LIMCH1: variants seen among roughly 807,000 people sequenced by gnomAD.
LIMCH1 encodes the protein LIM and calponin homology domains 1.
A neutral mutation model predicts 176.5 loss-of-function variants in LIMCH1; 113 were observed. The observed-to-expected ratio is 0.64, with a 90% confidence interval of 0.55 to 0.75. LIMCH1 has a LOEUF of 0.75. LIMCH1 is among the 30% of genes least tolerant of loss of function. The pLI is 0.00. For missense variants in LIMCH1, 1,674 were observed against 1,814.9 expected (o/e 0.92, Z 1.41); for synonymous variants, 619 against 645.9 (o/e 0.96, Z 0.63).
chr4:41,671,245 A>T (rs1015763275), intron 21 of LIMCH1, among the ~76,000 whole-genome samples: 1 of 152,140 alleles, frequency 6.6e-6, no homozygotes, highest in African/African-American at 2.4e-5. Context: ...CAGTACTAAT[A>T]GGAACAGTTT....
At chr4:41,503,825 A>C (rs1044488919) in intron 2 of LIMCH1, among the ~76,000 whole-genome samples, 2 of 152,060 alleles carry the variant, frequency 1.3e-5, no homozygotes, top group African/African-American at 4.8e-5. Flanking sequence ...TCAAGTGATA[A>C]CTGCCCTTGC....
rs186783937 is a variant in LIMCH1, at chr4:41,479,263, G to C, written c.97-15273G>C. Among the ~76,000 whole-genome samples, 227 of 152,148 alleles carry C rather than the reference G, an allele frequency of 1.5e-3. 2 individuals are homozygous for C. Among genetic ancestry groups the C allele is most frequent in the Middle Eastern group, 3.4e-3 (1 of 294 alleles). Reference sequence around the variant, plus strand: ...CCACCATGCCATTATCACTCTTTTTGTTTGTTCAAAATAGTATTTCACTTG... The same window carrying C: ...CCACCATGCCATTATCACTCTTTTTCTTTGTTCAAAATAGTATTTCACTTG... On this transcript the variant is annotated intron_variant, in intron 1 of 26. Coordinates refer to the LIMCH1 transcript ENST00000313860.
chr4:41,591,735 C>T (rs1195505950), intron 1 of LIMCH1, among the ~76,000 whole-genome samples: 2 of 152,140 alleles, frequency 1.3e-5, no homozygotes, highest in South Asian at 2.1e-4. Context: ...TGTCTGGATT[C>T]ATTTGAAACC....
intron 1 of LIMCH1, among the ~76,000 whole-genome samples, chr4:41,474,698 A>G (rs974752877): frequency 7.2e-5 from 11 of 152,232 alleles, no homozygotes; most frequent in Non-Finnish European, 1.0e-4. Context: ...GGATCTGGAG[A>G]ACGGGAACCC....
At chr4:41,634,651 G>T (rs1219468845) in intron 13 of LIMCH1, among the ~76,000 whole-genome samples, 1 of 152,164 alleles carries the variant, frequency 6.6e-6, no homozygotes, top group Non-Finnish European at 1.5e-5. Context: ...CTGTTTTCAG[G>T]GAGCAGAAGT....
chr4:41,432,947 A>G (rs1221546142), intron 1 of LIMCH1, among the ~76,000 whole-genome samples: 3 of 152,244 alleles, frequency 2.0e-5, no homozygotes, highest in African/African-American at 7.2e-5. Context: ...CAAAGGGTTA[A>G]TACCCTGGAA....
intron 1 of LIMCH1, among the ~76,000 whole-genome samples, chr4:41,568,000 A>G (rs888168495): frequency 6.6e-6 from 1 of 152,176 alleles, no homozygotes; most frequent in African/African-American, 2.4e-5. Context: ...TAAAAATACA[A>G]AAATTAGCCA....
intron 2 of LIMCH1, among the ~76,000 whole-genome samples, chr4:41,505,392 T>A (rs932007800): frequency 2.0e-5 from 3 of 152,192 alleles, no homozygotes; most frequent in African/African-American, 7.2e-5. Flanking sequence ...GGCATTTGGA[T>A]TATACTTTCT....
chr4:41,574,804 G>A (rs1376386935), intron 1 of LIMCH1, among the ~76,000 whole-genome samples: 2 of 152,182 alleles, frequency 1.3e-5, no homozygotes, highest in Admixed American at 1.3e-4. Flanking sequence ...TTGGGCACTT[G>A]GGGGTAGGTT....
intron 3 of LIMCH1, among the ~76,000 whole-genome samples, chr4:41,530,681 C>T (rs936578842): frequency 1.3e-5 from 2 of 150,006 alleles, no homozygotes; most frequent in Non-Finnish European, 1.5e-5. Context: ...GTGGTGTGTG[C>T]CCGTAATCCC....
intron 14 of LIMCH1, among the ~76,000 whole-genome samples, chr4:41,643,946 A>G (rs905764159): frequency 7.2e-5 from 11 of 152,204 alleles, no homozygotes; most frequent in African/African-American, 2.7e-4. Context: ...AATAAGAAAA[A>G]GTGAGTGTCT....
In LIMCH1 at chr4:41,646,531, T is replaced by A. The variant is rs1448740444; in HGVS notation, c.2458T>A (p.Ser820Thr). 3 of 1,614,116 alleles carry A rather than the reference T, an allele frequency of 1.9e-6. No individual in the cohort carries two copies. In the South Asian group the frequency reaches 3.3e-5, roughly 18 times the overall value. The change falls in exon 17 of 32, where the codon TCC becomes ACC. Residue 820 changes from serine to threonine, a missense_variant. By Grantham distance (58) the Ser-to-Thr change is moderately conservative (BLOSUM62 1). Transcript: ENST00000503057. Reference protein sequence around the residue: ...ELHEAYKNARSQEEAEGILQQ... With the variant: ...ELHEAYKNARTQEEAEGILQQ... ...GCATGAAGCATATAAGAACGCTCGGTCCCAGGAGGAGGCAGAGGGGATCCT... is the reference window on the plus strand; with the variant it reads ...GCATGAAGCATATAAGAACGCTCGGACCCAGGAGGAGGCAGAGGGGATCCT...
chr4:41,493,597 C>G (rs1210841393), intron 1 of LIMCH1, among the ~76,000 whole-genome samples: 1 of 152,096 alleles, frequency 6.6e-6, no homozygotes, highest in African/African-American at 2.4e-5. Flanking sequence ...AGGTTATATG[C>G]AAATACTACA....
intron 1 of LIMCH1, among the ~76,000 whole-genome samples, chr4:41,477,758 CAGTCCCAGCCCCAGGTGCCACTG>C (rs1393348236): frequency 6.6e-6 from 1 of 152,176 alleles, no homozygotes; most frequent in Non-Finnish European, 1.5e-5. Flanking sequence ...GCACTGCGGT[CAGTCCCAGCCCCAGGTGCCACTG>C]AGAGCCATTC....
chr4:41,604,295 T>G, intron 3 of LIMCH1: 6 of 743,770 alleles, frequency 8.1e-6, no homozygotes, highest in Non-Finnish European at 9.8e-6. Flanking sequence ...ACAATATGAA[T>G]AGTGTTGACT....
At chr4:41,565,346 T>TACAC (rs34056313) in intron 1 of LIMCH1, among the ~76,000 whole-genome samples, 12,868 of 128,480 alleles carry the variant, frequency 0.1, 708 homozygotes, top group South Asian at 0.18. Flanking sequence ...CTATTTCGGA[T>TACAC]ACACACACAC....
intron 5 of LIMCH1, among the ~76,000 whole-genome samples, chr4:41,617,278 C>T (rs1401635883): frequency 1.3e-5 from 2 of 152,104 alleles, no homozygotes; most frequent in Non-Finnish European, 2.9e-5. Context: ...GAGACATTTT[C>T]CCAAGACAGG....
At chr4:41,555,061 C>CATTT (rs1390928292) in intron 1 of LIMCH1, among the ~76,000 whole-genome samples, 1 of 152,132 alleles carries the variant, frequency 6.6e-6, no homozygotes, top group African/African-American at 2.4e-5. Flanking sequence ...CAGTCATTGC[C>CATTT]ATTTGATTGA....
chr4:41,660,305 G>A (rs4861130), intron 18 of LIMCH1, among the ~76,000 whole-genome samples: 85,889 of 151,744 alleles, frequency 0.57, 25,510 homozygotes, highest in African/African-American at 0.72. Flanking sequence ...TTTTACTATT[G>A]TAAATTCCAT....
Sources: allele counts gnomAD v4.1 joint callset (sites outside exome capture counted in the v4.1 genomes callset), GRCh38; gene constraint gnomAD v4.1.1; transcripts MANE v1.5; gene names NCBI Gene and HGNC (gene_info 2026-07-23, HGNC 2026-07-21).